Variants in DNAJC25 observed in about 807,000 individuals in gnomAD.
The protein encoded by DNAJC25 is DnaJ heat shock protein family (Hsp40) member C25, also known as dnaJ homolog subfamily C member 25.
A neutral mutation model predicts 42.1 loss-of-function variants in DNAJC25; 26 were observed. That is an observed-to-expected ratio of 0.62 (90% CI 0.45 to 0.86). The LOEUF (loss-of-function observed/expected upper bound fraction) is 0.86. Ranked by LOEUF, DNAJC25 falls within the 40% of genes least tolerant of loss-of-function variation. The pLI is 0.00. For synonymous variants in DNAJC25, 189 were observed against 179.9 expected (o/e 1.05, Z -0.40); for missense variants, 404 against 459.4 (o/e 0.88, Z 1.10).
intron 1 of DNAJC25, among the ~76,000 whole-genome samples, chr9:111,641,401 T>TG (rs1411315945): frequency 4.8e-4 from 58 of 119,622 alleles, no homozygotes; most frequent in African/African-American, 6.5e-4. Flanking sequence ...GGGAGGGAGG[T>TG]GGGGGGGTCA....
intron 2 of DNAJC25, 132 bp downstream of exon 2, chr9:111,647,391 T>TG: frequency 8.6e-7 from 1 of 1,163,044 alleles, no homozygotes; most frequent in Non-Finnish European, 1.2e-6. Context: ...GTTTTAGTCA[T>TG]TGGCAATGTT....
At position 111,639,948 on chromosome 9, in the gene DNAJC25, C is replaced by CTCCGTG. The variant is rs1390656503; in HGVS notation, c.337-7154_337-7153insGTCCGT. ...TCTCCCTCTCCGTCTCCGTCTCCGTCTCCGTCTCCGTCTCCCCATGGTCTC... is the reference window on the plus strand; with the variant it reads ...TCTCCCTCTCCGTCTCCGTCTCCGTCTCCGTGTCCGTCTCCGTCTCCCCATGGTCTC... On this transcript the variant is annotated intron_variant, in intron 1 of 3. Transcript: ENST00000313525. 5.1e-4 allele frequency among the ~76,000 whole-genome samples: 76 copies of CTCCGTG among 149,520 alleles called. 1 individual carries two copies. Among genetic ancestry groups the CTCCGTG allele is most frequent in the African/African-American group, 1.8e-3 (73 of 40,416 alleles).
At chr9:111,633,411 A>C (rs527732743) in intron 1 of DNAJC25, among the ~76,000 whole-genome samples, 1 of 152,326 alleles carries the variant, frequency 6.6e-6, no homozygotes, top group African/African-American at 2.4e-5. Flanking sequence ...TATATCAGTT[A>C]TCCCATTATG....
At chr9:111,648,562 A>G (rs1396783951) in intron 2 of DNAJC25, among the ~76,000 whole-genome samples, 2 of 152,084 alleles carry the variant, frequency 1.3e-5, no homozygotes, top group African/African-American at 4.8e-5. Flanking sequence ...GAGCCCCTGC[A>G]CTTGGCCGAC....
intron 1 of DNAJC25, among the ~76,000 whole-genome samples, chr9:111,639,967 T>C (rs1223412588): frequency 6.9e-6 from 1 of 144,398 alleles, no homozygotes; most frequent in South Asian, 2.2e-4. Context: ...CGTCTCCCCA[T>C]GGTCTCCCTC....
At chr9:111,632,454 T>C (rs980575580) in intron 1 of DNAJC25, among the ~76,000 whole-genome samples, 10 of 152,242 alleles carry the variant, frequency 6.6e-5, no homozygotes, top group Admixed American at 5.9e-4. Flanking sequence ...ACTCTGAGAA[T>C]TTCTAGTAGG....
intron 1 of DNAJC25, among the ~76,000 whole-genome samples, chr9:111,641,277 C>T (rs1435543681): frequency 0.035 from 3,308 of 94,570 alleles, no homozygotes; most frequent in Middle Eastern, 0.066. Context: ...AGGTGAGGGG[C>T]GCCTCTGCCC....
At chr9:111,644,337 T>C (rs1830532331) in intron 1 of DNAJC25, among the ~76,000 whole-genome samples, 1 of 152,188 alleles carries the variant, frequency 6.6e-6, no homozygotes, top group South Asian at 2.1e-4. Flanking sequence ...GTTGCTTGTG[T>C]TGGAGCATTA....
chr9:111,641,115 C>T (rs112305527), intron 1 of DNAJC25, among the ~76,000 whole-genome samples: 1 of 106,098 alleles, frequency 9.4e-6, no homozygotes, highest in Non-Finnish European at 1.8e-5. Flanking sequence ...CCACCCCGTC[C>T]GGGAGGGAGA....
chr9:111,644,275 G>T (rs1399692163), intron 1 of DNAJC25, among the ~76,000 whole-genome samples: 2 of 152,142 alleles, frequency 1.3e-5, no homozygotes, highest in African/African-American at 4.8e-5. Context: ...TGAACAGATT[G>T]CACAGGCTCT....
rs963022358 is a variant in DNAJC25 at position 111,653,586 on chromosome 9, T to C, written c.*364T>C. ...TTCTTTGAGAATGTTACCTTACTGTTTGTAATAGTGCTACATTTTTCTGCT... is the reference window on the plus strand; with the variant it reads ...TTCTTTGAGAATGTTACCTTACTGTCTGTAATAGTGCTACATTTTTCTGCT... On this transcript the variant is annotated 3_prime_UTR_variant, in exon 4 of 4. Transcript: ENST00000313525. The C allele has an allele frequency of 6.4e-6, 1 of 155,412 alleles. No individual in the cohort carries two copies. Among genetic ancestry groups the C allele is most frequent in the Non-Finnish European group, 1.4e-5 (1 of 70,244 alleles). The allele number at this position is 155,412 out of a possible 1,614,324, so 9.6% of individuals were successfully genotyped here. A position where few individuals can be genotyped will look rare whatever the true frequency, so the allele number is the denominator to read the frequency against.
intron 1 of DNAJC25, among the ~76,000 whole-genome samples, chr9:111,638,522 C>T (rs561168506): frequency 1.6e-3 from 237 of 152,110 alleles, no homozygotes; most frequent in Non-Finnish European, 2.4e-3. Flanking sequence ...AATTTTTTTT[C>T]TTCCTAGTTC....
chr9:111,636,729 C>T lies in DNAJC25; in HGVS notation c.336+4986C>T, dbSNP rs144104555. On this transcript the variant is annotated intron_variant, in intron 1 of 3. Coordinates refer to ENST00000313525, the MANE Select transcript of DNAJC25 (RefSeq NM_001015882.3). ...ATTTCATATGCCAATCCTGATTGGT[C>T]ATGATTACCTGGAACAAAACTCTTA... Among the ~76,000 whole-genome samples, 10 of 152,262 alleles carry T rather than the reference C, an allele frequency of 6.6e-5. No individual in the cohort carries two copies. In the East Asian group the frequency reaches 1.9e-3, roughly 29 times the overall value.
In DNAJC25 at chr9:111,631,403, T is replaced by G. The variant is rs1830270957; in HGVS notation, c.-5T>G. ...GGGGTGGCAGAGCCGCCAGCGAGGC[T>G]GGGGATGGGGGCGCCGCTGCTCTCT... On this transcript the variant is annotated 5_prime_UTR_variant, in exon 1 of 4. Coordinates refer to ENST00000313525, the MANE Select transcript of DNAJC25 (RefSeq NM_001015882.3). The G allele has an allele frequency of 1.6e-6, 2 of 1,274,554 alleles. No individual in the cohort carries two copies. The highest frequency in any genetic ancestry group is 2.0e-6 in the Non-Finnish European group (2 of 1,014,354). 79.0% of individuals were successfully genotyped at this position (1,274,554 alleles called of 1,614,324 possible).
At chr9:111,644,277 A>G (rs1830531420) in intron 1 of DNAJC25, among the ~76,000 whole-genome samples, 1 of 152,204 alleles carries the variant, frequency 6.6e-6, no homozygotes. Context: ...AACAGATTGC[A>G]CAGGCTCTGC....
At chr9:111,646,070 G>T (rs1193102854) in intron 1 of DNAJC25, among the ~76,000 whole-genome samples, 1 of 152,164 alleles carries the variant, frequency 6.6e-6, no homozygotes, top group Non-Finnish European at 1.5e-5. Flanking sequence ...ACCACACCTG[G>T]CAAAACAGAC....
intron 1 of DNAJC25, among the ~76,000 whole-genome samples, chr9:111,641,359 G>A (rs1318527905): frequency 6.9e-6 from 1 of 145,244 alleles, no homozygotes; most frequent in Non-Finnish European, 1.5e-5. Context: ...AGGTGGGGGG[G>A]TCAGCCCCCC....
intron 1 of DNAJC25, among the ~76,000 whole-genome samples, chr9:111,637,709 ACT>A (rs1830384667): frequency 6.6e-6 from 1 of 151,852 alleles, no homozygotes; most frequent in South Asian, 2.1e-4. Context: ...GAACAGTGAC[ACT>A]CTACTCACCA....
chr9:111,638,932 G>A (rs1383496005), intron 1 of DNAJC25, among the ~76,000 whole-genome samples: 1 of 150,642 alleles, frequency 6.6e-6, no homozygotes, highest in Admixed American at 6.7e-5. Context: ...TTTACTACTC[G>A]TTTCTTCCTA....
Sources: gnomAD v4.1 joint callset for allele counts (sites outside exome capture counted in the v4.1 genomes callset) on GRCh38, gnomAD v4.1.1 for gene constraint, MANE v1.5 for transcripts, NCBI Gene and HGNC (gene_info 2026-07-23, HGNC 2026-07-21) for gene names.